The following ST3GAL2 variants were observed in gnomAD, a reference collection of about 807,000 sequenced individuals.
ST3GAL2 encodes the protein ST3 beta-galactoside alpha-2,3-sialyltransferase 2, also known as CMP-N-acetylneuraminate-beta-galactosamide-alpha-2,3-sialyltransferase 2.
In ST3GAL2, 16 loss-of-function variants were observed where a neutral mutation model predicts 37.5. The observed-to-expected ratio is 0.43, with a 90% CI of 0.29 to 0.65. The LOEUF (loss-of-function observed/expected upper bound fraction) is 0.65. Among genes scored for constraint, ST3GAL2 ranks in the 30% least tolerant of loss-of-function variants. ST3GAL2 has a pLI of 0.17. For synonymous variants in ST3GAL2, 238 were observed against 202.9 expected (o/e 1.17, Z -1.47); for missense variants, 383 against 487.8 (o/e 0.79, Z 2.02).
chr16:70,432,675 G>A (rs923754198), intron 1 of ST3GAL2, among the ~76,000 whole-genome samples: 6 of 152,154 alleles, frequency 3.9e-5, no homozygotes, highest in South Asian at 2.1e-4. Context: ...CCCTTCTTGC[G>A]ACATGTCACT....
intron 2 of ST3GAL2, among the ~76,000 whole-genome samples, chr16:70,396,048 C>T (rs1163439161): frequency 6.6e-6 from 1 of 151,294 alleles, no homozygotes; most frequent in Non-Finnish European, 1.5e-5. Flanking sequence ...CTTGGCTCAC[C>T]GCAACCTCCG....
intron 4 of ST3GAL2, among the ~76,000 whole-genome samples, chr16:70,385,514 ATAGT>A (rs558110297): frequency 6.6e-6 from 1 of 152,058 alleles, no homozygotes; most frequent in Non-Finnish European, 1.5e-5. Flanking sequence ...ACACTTAAAA[ATAGT>A]TAAAATGGCA....
chr16:70,396,179 C>A (rs1302512086), intron 2 of ST3GAL2, among the ~76,000 whole-genome samples: 1 of 151,208 alleles, frequency 6.6e-6, no homozygotes, highest in Admixed American at 6.6e-5. Context: ...TCATGTTGGT[C>A]AGGCTGGTCT....
chr16:70,393,127 C>T (rs543540023), intron 3 of ST3GAL2, among the ~76,000 whole-genome samples: 2 of 151,566 alleles, frequency 1.3e-5, no homozygotes, highest in South Asian at 2.1e-4. Flanking sequence ...CTCTTGTTGC[C>T]CAGGCTGAAG....
rs553053455 is a variant in ST3GAL2 at position 70,388,491 on chromosome 16, G to A, written c.589C>T (p.His197Tyr). 6.2e-7 allele frequency: 1 copy of A among 1,613,410 alleles called. No homozygotes were observed. ...GCACTCTCAGGGTACATGAAATGGT[G>A]GGTGGTTCGGCTGCCAACATCCTGC... ...FEQDVGSRTT[H>Y]HFMYPESAKN... The change falls in exon 4 of 7, where the codon CAC (histidine) becomes TAC (tyrosine). Residue 197 changes from histidine to tyrosine, a missense_variant. Around this residue, in one of 2 missense-constraint regions of ST3GAL2, gnomAD observed 160 missense variants for 248.6 expected, o/e 0.64. Coordinates refer to ENST00000342907, the MANE Select transcript of ST3GAL2 (RefSeq NM_006927.4).
At chr16:70,401,442 G>T (rs2047554282) in intron 1 of ST3GAL2, among the ~76,000 whole-genome samples, 1 of 152,156 alleles carries the variant, frequency 6.6e-6, no homozygotes, top group South Asian at 2.1e-4. Context: ...CTTGCTTTGG[G>T]AACCCCAGGT....
At chr16:70,404,453 G>A (rs967937557) in intron 1 of ST3GAL2, among the ~76,000 whole-genome samples, 2 of 152,078 alleles carry the variant, frequency 1.3e-5, no homozygotes, top group South Asian at 2.1e-4. Context: ...GATGCTCAAC[G>A]TCATTAATCA....
At chr16:70,413,532 A>G (rs542332297) in intron 1 of ST3GAL2, among the ~76,000 whole-genome samples, 2 of 144,336 alleles carry the variant, frequency 1.4e-5, no homozygotes, top group South Asian at 4.3e-4. Context: ...CCTGACCAAC[A>G]TGGAGAAACC....
At chr16:70,397,043 C>CTTTTTTT (rs35885469) in intron 2 of ST3GAL2, among the ~76,000 whole-genome samples, 7 of 130,284 alleles carry the variant, frequency 5.4e-5, no homozygotes, top group African/African-American at 1.8e-4. Context: ...TCTTTTCTTT[C>CTTTTTTT]TTTTTTTTTT....
intron 1 of ST3GAL2, among the ~76,000 whole-genome samples, chr16:70,409,760 C>T (rs1276108938): frequency 6.6e-6 from 1 of 151,972 alleles, no homozygotes; most frequent in African/African-American, 2.4e-5. Context: ...ACCTCAGGCC[C>T]CCGAGTAGCT....
At chr16:70,395,471 A>C (rs1181566334) in intron 2 of ST3GAL2, among the ~76,000 whole-genome samples, 1 of 152,170 alleles carries the variant, frequency 6.6e-6, no homozygotes, top group Non-Finnish European at 1.5e-5. Flanking sequence ...GGTGCCTTTC[A>C]CACATTCTCT....
At chr16:70,382,679 G>A in intron 6 of ST3GAL2, 126 bp downstream of exon 6, 1 of 1,435,772 alleles carries the variant, frequency 7.0e-7, no homozygotes, top group Non-Finnish European at 9.5e-7. Flanking sequence ...CTAGAGATGG[G>A]GGAAACCAAG....
chr16:70,416,935 C>T (rs1028914416), intron 1 of ST3GAL2, among the ~76,000 whole-genome samples: 3 of 152,182 alleles, frequency 2.0e-5, no homozygotes, highest in Non-Finnish European at 2.9e-5. Flanking sequence ...CCCTAAGCAC[C>T]GCAAGCTGCA....
intron 1 of ST3GAL2, among the ~76,000 whole-genome samples, chr16:70,424,547 G>GC (rs1478628734): frequency 6.6e-6 from 1 of 151,200 alleles, no homozygotes; most frequent in Non-Finnish European, 1.5e-5. Context: ...GTCGCGGTGA[G>GC]CCGAGATTGT....
chr16:70,385,698 CTTTTTTT>C (rs1034830291), intron 4 of ST3GAL2, among the ~76,000 whole-genome samples: 3 of 92,218 alleles, frequency 3.3e-5, no homozygotes, highest in African/African-American at 5.0e-5. Flanking sequence ...TTTTTTGGTT[CTTTTTTT>C]TTTTTTTTTT....
chr16:70,402,283 CAAAAAAAAAAAA>C (rs1042560583), intron 1 of ST3GAL2, among the ~76,000 whole-genome samples: 187 of 40,714 alleles, frequency 4.6e-3, no homozygotes, highest in African/African-American at 0.018. Context: ...AACTATTTCT[CAAAAAAAAAAAA>C]AAAAAAAAAA....
At chr16:70,402,577 G>A (rs965746938) in intron 1 of ST3GAL2, among the ~76,000 whole-genome samples, 28 of 152,280 alleles carry the variant, frequency 1.8e-4, no homozygotes, top group African/African-American at 6.7e-4. Flanking sequence ...GGGGAAGAGA[G>A]GTAGATGAAA....
chr16:70,388,034 C>T (rs933543727), intron 4 of ST3GAL2, among the ~76,000 whole-genome samples: 2 of 151,916 alleles, frequency 1.3e-5, no homozygotes, highest in Non-Finnish European at 1.5e-5. Context: ...ATCGCTTGAA[C>T]CCGGGAGGCG....
At position 70,385,837 on chromosome 16, in the gene ST3GAL2, G is replaced by A. The variant is rs150828332; in HGVS notation, c.713+2530C>T. The stretch of plus-strand genomic sequence containing the variant: ...GATCCTCCCACCTCATCCTTGAGTG[G>A]CTAGGACTACAGGAGCATGCCACCA... On this transcript the variant is annotated intron_variant, in intron 4 of 6. Coordinates refer to ENST00000342907, the MANE Select transcript of ST3GAL2 (RefSeq NM_006927.4). Among the ~76,000 whole-genome samples the A allele has an allele frequency of 4.3e-4, 65 of 151,176 alleles. 1 individual carries two copies. The highest frequency in any genetic ancestry group is 1.5e-3 in the African/African-American group (63 of 41,112).
Sources: allele counts gnomAD v4.1 joint callset (sites outside exome capture counted in the v4.1 genomes callset), GRCh38; gene constraint gnomAD v4.1.1; regional missense constraint gnomAD v4.1.1; transcripts MANE v1.5; gene names NCBI Gene and HGNC (gene_info 2026-07-23, HGNC 2026-07-21).